The following LHCGR variants were observed in gnomAD, a reference collection of about 807,000 sequenced individuals.
LHCGR encodes the protein lutropin-choriogonadotropic hormone receptor.
Under a neutral mutation model 60.7 loss-of-function variants are expected in LHCGR, and 55 were observed. The observed-to-expected ratio is 0.91, with a 90% CI of 0.73 to 1.13. The LOEUF (loss-of-function observed/expected upper bound fraction) is 1.13. Ranked by LOEUF, LHCGR falls within the 50% of genes most tolerant of loss-of-function variation. LHCGR has a pLI of 0.00. For synonymous variants in LHCGR, 337 were observed against 316.5 expected (o/e 1.06, Z -0.69); for missense variants, 862 against 836.0 (o/e 1.03, Z -0.38).
At chr2:48,692,540 C>G (rs1047593993) in intron 10 of LHCGR, among the ~76,000 whole-genome samples, 1 of 152,102 alleles carries the variant, frequency 6.6e-6, no homozygotes, top group Non-Finnish European at 1.5e-5. Flanking sequence ...TTGACAAAGC[C>G]CAGCACAGAG....
At chr2:48,721,011 T>G (rs1268712739) in intron 6 of LHCGR, 1 of 152,284 alleles carries the variant, frequency 6.6e-6, no homozygotes, top group African/African-American at 2.4e-5. Context: ...ATAAAGCCTC[T>G]CTGACTTCCC....
intron 10 of LHCGR, among the ~76,000 whole-genome samples, chr2:48,691,264 T>C (rs1229446634): frequency 1.3e-5 from 2 of 152,154 alleles, no homozygotes; most frequent in Non-Finnish European, 2.9e-5. Context: ...GTGGAGGAGA[T>C]AATAAATTGG....
At chr2:48,751,125 C>T (rs13431355) in intron 1 of LHCGR, among the ~76,000 whole-genome samples, 47,114 of 151,884 alleles carry the variant, frequency 0.31, 8,231 homozygotes, top group East Asian at 0.59. Flanking sequence ...GGGGGTGGGG[C>T]AGTGGGCATC....
intron 10 of LHCGR, among the ~76,000 whole-genome samples, chr2:48,692,907 A>C (rs571592766): frequency 3.8e-4 from 58 of 152,230 alleles, no homozygotes; most frequent in African/African-American, 1.3e-3. Flanking sequence ...GAGATGCTAG[A>C]GATTAGGGAC....
chr2:48,721,708 T>C, intron 6 of LHCGR: 1 of 471,222 alleles, frequency 2.1e-6, no homozygotes, highest in South Asian at 1.5e-5. Flanking sequence ...TTCAGAGTCA[T>C]TCCAATCCAT....
chr2:48,747,959 T>C (rs575446096), intron 1 of LHCGR, among the ~76,000 whole-genome samples: 1 of 152,278 alleles, frequency 6.6e-6, no homozygotes, highest in Non-Finnish European at 1.5e-5. Flanking sequence ...CAGTGGTCTC[T>C]CTAAGCTGGC....
intron 8 of LHCGR, among the ~76,000 whole-genome samples, chr2:48,707,413 T>C (rs1172445474): frequency 1.3e-5 from 2 of 149,802 alleles, no homozygotes; most frequent in Non-Finnish European, 3.0e-5. Flanking sequence ...TTATCAGAGC[T>C]TGAACACTGT....
intron 6 of LHCGR, chr2:48,720,962 T>G (rs1558859229): frequency 6.6e-6 from 1 of 152,244 alleles, no homozygotes. Flanking sequence ...TAAACGTTAC[T>G]GATTCCATGA....
chr2:48,708,298 T>C (rs1300730551), intron 8 of LHCGR, among the ~76,000 whole-genome samples: 1 of 152,072 alleles, frequency 6.6e-6, no homozygotes, highest in African/African-American at 2.4e-5. Context: ...GGCCTTAGAT[T>C]CCCATGAGTG....
rs746763435 is a variant in LHCGR at position 48,725,627 on chromosome 2, A to G, written c.383+49T>C. On this transcript the variant is annotated intron_variant, in intron 4 of 10. Coordinates refer to ENST00000294954, the MANE Select transcript of LHCGR (RefSeq NM_000233.4). ...CCTTTTCCTTGTTTTGATTTTCATCAGATGCCCATCTTCCCCTCCCCAATT... is the reference window on the plus strand; with the variant it reads ...CCTTTTCCTTGTTTTGATTTTCATCGGATGCCCATCTTCCCCTCCCCAATT... 13 of 1,246,022 alleles carry G rather than the reference A, an allele frequency of 1.0e-5. No individual in the cohort carries two copies. In the African/African-American group the frequency reaches 1.8e-4, roughly 17 times the overall value. The allele number at this position is 1,246,022 out of a possible 1,614,324, so 77.2% of individuals were successfully genotyped here.
intron 3 of LHCGR, among the ~76,000 whole-genome samples, chr2:48,727,057 T>C (rs56982590): frequency 1.6e-3 from 248 of 152,266 alleles, no homozygotes; most frequent in African/African-American, 5.9e-3. Context: ...TTGTAATTAT[T>C]TCTACAACAA....
chr2:48,720,265 G>C (rs1355732437), intron 6 of LHCGR: 8 of 152,188 alleles, frequency 5.3e-5, no homozygotes, highest in East Asian at 3.9e-4. Context: ...CCAGTCTTGT[G>C]AGCTCATAGT....
At chr2:48,692,714 T>A (rs1235784960) in intron 10 of LHCGR, among the ~76,000 whole-genome samples, 1 of 152,120 alleles carries the variant, frequency 6.6e-6, no homozygotes, top group East Asian at 1.9e-4. Flanking sequence ...ACCATAGAGG[T>A]AAGGACACAT....
At chr2:48,696,151 A>G in intron 9 of LHCGR, among the ~76,000 whole-genome samples, 1 of 152,214 alleles carries the variant, frequency 6.6e-6, no homozygotes, top group East Asian at 1.9e-4. Context: ...CATTCTCATG[A>G]CAGTCCATCT....
chr2:48,701,313 A>G (rs1026138230), intron 8 of LHCGR, among the ~76,000 whole-genome samples: 2 of 152,232 alleles, frequency 1.3e-5, no homozygotes, highest in Middle Eastern at 3.4e-3. Flanking sequence ...GACAAAGTCT[A>G]TATAAGTGAC....
chr2:48,727,552 G>A (rs1668790510), intron 3 of LHCGR, among the ~76,000 whole-genome samples: 1 of 152,172 alleles, frequency 6.6e-6, no homozygotes, highest in South Asian at 2.1e-4. Context: ...AGCTGCCCTG[G>A]TGGTTCTCAA....
chr2:48,736,130 A>T (rs1303687892), intron 1 of LHCGR, among the ~76,000 whole-genome samples: 1 of 151,932 alleles, frequency 6.6e-6, no homozygotes, highest in Non-Finnish European at 1.5e-5. Context: ...AGCCAACTAA[A>T]CCTCTTTTCT....
chr2:48,721,561 A>T (rs997552229), intron 6 of LHCGR: 1 of 364,054 alleles, frequency 2.7e-6, no homozygotes. Context: ...ACAATTATAC[A>T]TGTAAAATTA....
At chr2:48,723,014 C>T (rs917308585) in intron 6 of LHCGR, among the ~76,000 whole-genome samples, 2 of 152,076 alleles carry the variant, frequency 1.3e-5, no homozygotes, top group South Asian at 4.1e-4. Flanking sequence ...AAGAGGAAGG[C>T]GAAAATGAGA....
Sources: gnomAD v4.1 joint callset for allele counts (sites outside exome capture counted in the v4.1 genomes callset) on GRCh38, gnomAD v4.1.1 for gene constraint, MANE v1.5 for transcripts, NCBI Gene and HGNC (gene_info 2026-07-23, HGNC 2026-07-21) for gene names.